The following KLHL4 variants were observed in gnomAD, a reference collection of about 807,000 sequenced individuals.
The protein encoded by KLHL4 is kelch like family member 4.
In KLHL4, 17 loss-of-function variants were observed where a neutral mutation model predicts 45.8. That is an observed-to-expected ratio of 0.37 (90% CI 0.25 to 0.56). The LOEUF (loss-of-function observed/expected upper bound fraction) is 0.56, where lower values mean the gene tolerates loss of function less well. KLHL4 is among the 20% of genes least tolerant of loss of function. The pLI is 0.79. For synonymous variants in KLHL4, 224 were observed against 189.9 expected (o/e 1.18, Z -1.47); for missense variants, 544 against 544.9 (o/e 1.00, Z 0.02).
intron 9 of KLHL4, among the ~76,000 whole-genome samples, chrX:87,647,291 T>A (rs1225781279): frequency 8.9e-6 from 1 of 111,877 alleles, no homozygotes; most frequent in Non-Finnish European, 1.9e-5. Context: ...TTGGTGGGAA[T>A]GTAAACTAGT....
At chrX:87,641,268 A>C (rs908161952) in intron 9 of KLHL4, among the ~76,000 whole-genome samples, 2 of 112,173 alleles carry the variant, frequency 1.8e-5, no homozygotes, top group Admixed American at 1.9e-4. Context: ...TCTCCCAAAC[A>C]CACCCACTGG....
chrX:87,539,551 C>A (rs1231196907), intron 1 of KLHL4, among the ~76,000 whole-genome samples: 1 of 110,126 alleles, frequency 9.1e-6, no homozygotes, highest in Non-Finnish European at 1.9e-5. Context: ...TTATAACTTG[C>A]TATTTCTCTA....
At chrX:87,549,168 GA>G (rs1242266585) in intron 1 of KLHL4, among the ~76,000 whole-genome samples, 4 of 109,504 alleles carry the variant, frequency 3.7e-5, no homozygotes, top group African/African-American at 1.3e-4. Context: ...ACTATAAGAA[GA>G]AAAAAAGCCA....
chrX:87,620,573 T>C (rs1922716779), intron 4 of KLHL4, among the ~76,000 whole-genome samples: 1 of 112,040 alleles, frequency 8.9e-6, no homozygotes, highest in Non-Finnish European at 1.9e-5. Context: ...TCCGTAATAT[T>C]AATGCAGTTT....
At chrX:87,574,360 G>T (rs1357662095) in intron 1 of KLHL4, among the ~76,000 whole-genome samples, 1 of 111,187 alleles carries the variant, frequency 9.0e-6, no homozygotes, top group Non-Finnish European at 1.9e-5. Flanking sequence ...TTCAAATTAT[G>T]CTTTAAAAAA....
chrX:87,610,952 C>T (rs1354703481), intron 1 of KLHL4, among the ~76,000 whole-genome samples: 1 of 110,342 alleles, frequency 9.1e-6, no homozygotes, highest in Non-Finnish European at 1.9e-5. Flanking sequence ...TGCACGTCCG[C>T]AGTCCCAGCT....
At chrX:87,572,794 T>TTA (rs1556026388) in intron 1 of KLHL4, among the ~76,000 whole-genome samples, 5 of 77,856 alleles carry the variant, frequency 6.4e-5, no homozygotes, top group Non-Finnish European at 1.3e-4. Flanking sequence ...TAAAGTATAA[T>TTA]AAAAAAAAAA....
At chrX:87,644,686 G>A (rs1923572902) in intron 9 of KLHL4, among the ~76,000 whole-genome samples, 1 of 111,736 alleles carries the variant, frequency 8.9e-6, no homozygotes, top group Admixed American at 9.5e-5. Context: ...AAAACATCAT[G>A]GTACTGGTGT....
At chrX:87,643,448 G>A (rs965551751) in intron 9 of KLHL4, among the ~76,000 whole-genome samples, 1 of 111,198 alleles carries the variant, frequency 9.0e-6, no homozygotes, top group African/African-American at 3.3e-5. Flanking sequence ...TCCAGGACCA[G>A]ACAGATTCAC....
intron 1 of KLHL4, among the ~76,000 whole-genome samples, chrX:87,576,612 C>T (rs1489208016): frequency 9.0e-6 from 1 of 110,946 alleles, no homozygotes; most frequent in African/African-American, 3.3e-5. Flanking sequence ...GAGTATTTAC[C>T]ATTATAAAAT....
chrX:87,527,008 G>A (rs537572723), intron 1 of KLHL4, among the ~76,000 whole-genome samples: 1 of 111,747 alleles, frequency 8.9e-6, no homozygotes, highest in Non-Finnish European at 1.9e-5. Flanking sequence ...AGACAATGAA[G>A]AATCAGTGAA....
chrX:87,667,807 T>C lies in KLHL4; in HGVS notation c.*1273T>C, dbSNP rs778769009. ...AGTCTTTTTATTGTGGATTGTGAAA[T>C]CAAAATCTGGAGAAATGCTTATAAA... On this transcript the variant is annotated 3_prime_UTR_variant, in exon 11 of 11. Transcript: ENST00000373119. 1.2e-5 allele frequency: 8 copies of C among 673,834 alleles called. No homozygotes were observed. Among genetic ancestry groups the C allele is most frequent in the Non-Finnish European group, 1.2e-5 (7 of 567,098 alleles). The allele number at this position is 673,834 out of a possible 1,213,427, so 55.5% of individuals were successfully genotyped here.
At chrX:87,555,891 T>C (rs1483053556) in intron 1 of KLHL4, among the ~76,000 whole-genome samples, 1 of 110,580 alleles carries the variant, frequency 9.0e-6, no homozygotes, top group Non-Finnish European at 1.9e-5. Flanking sequence ...CTGCTTTGAA[T>C]GTGTCCCAGA....
intron 1 of KLHL4, among the ~76,000 whole-genome samples, chrX:87,567,963 G>A (rs1402869397): frequency 9.0e-6 from 1 of 111,140 alleles, no homozygotes; most frequent in Non-Finnish European, 1.9e-5. Context: ...TAAAATAAAA[G>A]TTGAAATTAT....
chrX:87,640,471 A>G (rs1178908624), intron 9 of KLHL4, among the ~76,000 whole-genome samples: 1 of 111,838 alleles, frequency 8.9e-6, no homozygotes, highest in Non-Finnish European at 1.9e-5. Flanking sequence ...ATCCAACAAC[A>G]TGTCAAAAAG....
At position 87,633,839 on chromosome X, in the gene KLHL4, G is replaced by A; in HGVS notation, c.1640G>A (p.Gly547Glu). 8.3e-7 allele frequency: 1 copy of A among 1,209,049 alleles called. No homozygotes were observed. The change falls in exon 8 of 11, where the codon GGA (glycine) becomes GAA (glutamate). Residue 547 changes from glycine (G) to glutamate (E), a missense_variant. Physicochemically the swap from Gly to Glu is moderately conservative, Grantham distance 98 (BLOSUM62 -2). Coordinates refer to ENST00000373119, the MANE Select transcript of KLHL4 (RefSeq NM_019117.5). ...LNTVERWDPE[G>E]RQWNYVASMS... Reference sequence around the variant, plus strand: ...ACTGTAGAAAGATGGGACCCTGAGGGACGACAGTGGAATTACGTAGCCAGT... The same window carrying A: ...ACTGTAGAAAGATGGGACCCTGAGGAACGACAGTGGAATTACGTAGCCAGT...
chrX:87,581,523 G>T (rs985532521), intron 1 of KLHL4, among the ~76,000 whole-genome samples: 1 of 112,666 alleles, frequency 8.9e-6, no homozygotes, highest in Non-Finnish European at 1.9e-5. Context: ...GTGGCAAAAG[G>T]CCATATTTGC....
chrX:87,583,360 C>G (rs1241381540), intron 1 of KLHL4, among the ~76,000 whole-genome samples: 1 of 112,282 alleles, frequency 8.9e-6, no homozygotes, highest in Non-Finnish European at 1.9e-5. Context: ...ATCACCCTCC[C>G]CTGGCCCCAG....
intron 9 of KLHL4, among the ~76,000 whole-genome samples, chrX:87,661,629 GCA>G (rs1924192290): frequency 1.8e-5 from 2 of 111,354 alleles, no homozygotes; most frequent in African/African-American, 6.5e-5. Flanking sequence ...CTAATCTGTG[GCA>G]CAGACTACAA....
Sources: allele counts gnomAD v4.1 joint callset (sites outside exome capture counted in the v4.1 genomes callset), GRCh38; gene constraint gnomAD v4.1.1; transcripts MANE v1.5; gene names NCBI Gene and HGNC (gene_info 2026-07-23, HGNC 2026-07-21).